The following PCDH15 variants were observed in gnomAD, a reference collection of about 807,000 sequenced individuals.
The protein encoded by PCDH15 is protocadherin-15.
PCDH15 carries 129 observed loss-of-function variants against 178.5 expected under a neutral mutation model. The observed-to-expected ratio is 0.72, with a 90% CI of 0.63 to 0.84. PCDH15 has a LOEUF of 0.84. Among genes scored for constraint, PCDH15 ranks in the 40% least tolerant of loss-of-function variants. PCDH15 has a pLI of 0.00. For synonymous variants in PCDH15, 800 were observed against 732.0 expected, an observed-to-expected ratio of 1.09 and a Z score of -1.50; for missense variants, 2,230 against 2,099.9, an observed-to-expected ratio of 1.06 and a Z score of -1.21.
intron 2 of PCDH15, among the ~76,000 whole-genome samples, chr10:54,923,495 T>G (rs1670808): frequency 0.71 from 97,648 of 136,894 alleles, 41,047 homozygotes; most frequent in African/African-American, 0.89. Context: ...TTTATGATCT[T>G]TTTCCCTTTT....
chr10:54,234,448 G>A (rs79010940), intron 9 of PCDH15, among the ~76,000 whole-genome samples: 8,281 of 152,140 alleles, frequency 0.054, 558 homozygotes, highest in African/African-American at 0.17. Context: ...AGAACTTAGG[G>A]AGGCTAAGGT....
At chr10:54,456,462 G>A (rs180907983) in intron 3 of PCDH15, among the ~76,000 whole-genome samples, 6 of 152,300 alleles carry the variant, frequency 3.9e-5, no homozygotes, top group African/African-American at 1.4e-4. Context: ...TGGAATGGAT[G>A]TATTTAACCA....
intron 8 of PCDH15, among the ~76,000 whole-genome samples, chr10:54,275,442 A>T (rs2058297038): frequency 6.6e-6 from 1 of 151,920 alleles, no homozygotes; most frequent in African/African-American, 2.4e-5. Flanking sequence ...ATTCACAACA[A>T]TCTAGATCCA....
chr10:54,232,787 G>C (rs767026067), intron 9 of PCDH15, among the ~76,000 whole-genome samples: 5 of 152,006 alleles, frequency 3.3e-5, no homozygotes, highest in Admixed American at 6.6e-5. Flanking sequence ...AGTCTAGCTA[G>C]AGGTTTGTTA....
At chr10:54,775,544 T>C (rs1247267904) in intron 1 of PCDH15, among the ~76,000 whole-genome samples, 1 of 152,222 alleles carries the variant, frequency 6.6e-6, no homozygotes, top group Non-Finnish European at 1.5e-5. Flanking sequence ...ATTGTCATTC[T>C]ACAGTGCTAT....
chr10:55,237,391 CTAACTT>C (rs952468799), intron 1 of PCDH15, among the ~76,000 whole-genome samples: 1 of 152,124 alleles, frequency 6.6e-6, no homozygotes, highest in South Asian at 2.1e-4. Context: ...ATCTTTAAAA[CTAACTT>C]TAACTCATAA....
At chr10:54,996,718 T>C (rs528645031) in intron 2 of PCDH15, among the ~76,000 whole-genome samples, 1 of 152,306 alleles carries the variant, frequency 6.6e-6, no homozygotes, top group Admixed American at 6.5e-5. Flanking sequence ...TTTATGCTGC[T>C]GTTCTAAGCA....
At chr10:55,596,443 G>A (rs10825556) in intron 2 of PCDH15, among the ~76,000 whole-genome samples, 48,758 of 151,796 alleles carry the variant, frequency 0.32, 8,403 homozygotes, top group East Asian at 0.49. Flanking sequence ...TTTCAACTCT[G>A]CACCATTGTG....
chr10:54,797,952 T>C (rs954234002), intron 1 of PCDH15, among the ~76,000 whole-genome samples: 3 of 151,964 alleles, frequency 2.0e-5, no homozygotes, highest in Non-Finnish European at 4.4e-5. Context: ...AGCTAGTCGC[T>C]CTCACATTCA....
intron 1 of PCDH15, among the ~76,000 whole-genome samples, chr10:55,222,742 T>C (rs753524676): frequency 0.73 from 86,683 of 118,860 alleles, 29,927 homozygotes; most frequent in Admixed American, 0.77. Flanking sequence ...TATATATATA[T>C]ATATATATAT....
In PCDH15 at chr10:55,073,248, G is replaced by A. The variant is rs558825144; in HGVS notation, c.-80+93328C>T. Among the ~76,000 whole-genome samples, 8 of 152,084 alleles carry A rather than the reference G, an allele frequency of 5.3e-5. No homozygotes were observed. In the East Asian group the frequency reaches 1.4e-3, roughly 26 times the overall value. ...AACATAGTGTTGGAAGTTCTGGCTA[G>A]GGCAATTAGGCAGGAGAAGGAAATA... On this transcript the variant is annotated intron_variant, in intron 2 of 5. Transcript: ENST00000458638.
chr10:54,340,648 G>A (rs1156956706), intron 6 of PCDH15, among the ~76,000 whole-genome samples: 1 of 152,082 alleles, frequency 6.6e-6, no homozygotes, highest in African/African-American at 2.4e-5. Flanking sequence ...ATGAAAGCAA[G>A]CAAAATACTC....
intron 2 of PCDH15, among the ~76,000 whole-genome samples, chr10:54,912,845 C>T (rs952898196): frequency 2.6e-5 from 4 of 152,108 alleles, no homozygotes; most frequent in African/African-American, 9.7e-5. Flanking sequence ...AAAATGAAGT[C>T]TCAGCTGAGG....
At position 54,768,933 on chromosome 10, in the gene PCDH15, G is replaced by A. The variant is rs575967362; in HGVS notation, c.-29+31992C>T. The stretch of plus-strand genomic sequence containing the variant: ...GTGTTCTGTGCCAGGACAGGACTCT[G>A]TCTGGGAAAGAAGTGTAAAACTTTT... On this transcript the variant is annotated intron_variant, in intron 1 of 37. Coordinates refer to ENST00000644397, the MANE Select transcript of PCDH15 (RefSeq NM_001384140.1). 1.4e-4 allele frequency among the ~76,000 whole-genome samples: 22 copies of A among 152,234 alleles called. 1 individual carries two copies. Among genetic ancestry groups the A allele is most frequent in the African/African-American group, 5.1e-4 (21 of 41,532 alleles).
chr10:54,961,799 C>T (rs1241802936), intron 2 of PCDH15, among the ~76,000 whole-genome samples: 1 of 152,052 alleles, frequency 6.6e-6, no homozygotes, highest in African/African-American at 2.4e-5. Flanking sequence ...GGACAACCTG[C>T]CTGCAGATAA....
chr10:54,908,134 T>C (rs1315350608), intron 2 of PCDH15, among the ~76,000 whole-genome samples: 1 of 152,202 alleles, frequency 6.6e-6, no homozygotes, highest in East Asian at 1.9e-4. Flanking sequence ...CTGGTTCTGA[T>C]AACTCAGCCT....
At chr10:54,997,962 T>A (rs1181997626) in intron 2 of PCDH15, among the ~76,000 whole-genome samples, 1 of 152,148 alleles carries the variant, frequency 6.6e-6, no homozygotes, top group East Asian at 1.9e-4. Flanking sequence ...TGTAGAATGT[T>A]CTCATCTATA....
intron 2 of PCDH15, among the ~76,000 whole-genome samples, chr10:54,904,852 G>A (rs1188219403): frequency 6.7e-6 from 1 of 148,852 alleles, no homozygotes; most frequent in African/African-American, 2.4e-5. Context: ...GAGGTAAAGT[G>A]TGGAGAAAAG....
At chr10:55,607,551 T>C (rs1283541215) in intron 2 of PCDH15, among the ~76,000 whole-genome samples, 4 of 143,966 alleles carry the variant, frequency 2.8e-5, no homozygotes, top group South Asian at 2.3e-4. Context: ...ATATACACCA[T>C]GGAATACTAT....
Sources: gnomAD v4.1 joint callset for allele counts (sites outside exome capture counted in the v4.1 genomes callset) on GRCh38, gnomAD v4.1.1 for gene constraint, MANE v1.5 for transcripts, NCBI Gene and HGNC (gene_info 2026-07-23, HGNC 2026-07-21) for gene names.